Variants in CD1A observed in about 807,000 individuals in gnomAD.
CD1A encodes CD1a molecule, also known as T-cell surface glycoprotein CD1a.
A neutral mutation model predicts 38.3 loss-of-function variants in CD1A; 50 were observed. The observed-to-expected ratio is 1.30, with a 90% confidence interval of 1.04 to 1.65. CD1A has a LOEUF of 1.65. Among genes scored for constraint, CD1A ranks in the 40% most tolerant of loss-of-function variants. The pLI, the probability that CD1A is intolerant of heterozygous loss-of-function variation, is 0.00. For missense variants in CD1A, 459 were observed against 406.1 expected, an observed-to-expected ratio of 1.13 and a Z score of -1.12; for synonymous variants, 160 against 150.8, an observed-to-expected ratio of 1.06 and a Z score of -0.45.
At position 158,256,157 on chromosome 1, in the gene CD1A, A is replaced by C; in HGVS notation, c.479A>C (p.His160Pro). 6.2e-7 allele frequency: 1 copy of C among 1,614,188 alleles called. No individual in the cohort carries two copies. The highest frequency in any genetic ancestry group is 8.5e-7 in the Non-Finnish European group (1 of 1,180,026). ...PYPVAGNMAKHFCKVLNQNQH... is the reference protein window; with the variant it reads ...PYPVAGNMAKPFCKVLNQNQH... ...CCAGTGGCTGGGAATATGGCCAAGC[A>C]TTTCTGCAAAGTGCTCAATCAGAAT... The change falls in exon 3 of 6, where the codon CAT (histidine) becomes CCT (proline). Residue 160 changes from histidine (H) to proline (P), a missense_variant. Physicochemically the swap from His to Pro is moderately conservative, Grantham distance 77 (BLOSUM62 -2). Coordinates refer to ENST00000289429, the MANE Select transcript of CD1A (RefSeq NM_001763.3).
chr1:158,254,734 A>T lies in CD1A; in HGVS notation c.58+7A>T. The T allele has an allele frequency of 6.3e-7, 1 of 1,594,026 alleles. No homozygotes were observed. Among genetic ancestry groups the T allele is most frequent in the Non-Finnish European group, 8.6e-7 (1 of 1,164,000 alleles). On this transcript the variant is annotated splice_region_variant and intron_variant, in intron 1 of 5. Coordinates refer to ENST00000289429, the MANE Select transcript of CD1A (RefSeq NM_001763.3). ...GGTGATGGCAATGCAGACGGTAAGAACTCTGACAACTGCCCAGTTGGGTGG... is the reference window on the plus strand; with the variant it reads ...GGTGATGGCAATGCAGACGGTAAGATCTCTGACAACTGCCCAGTTGGGTGG...
intron 5 of CD1A, 51 bp downstream of exon 5, chr1:158,257,562 C>T: frequency 1.3e-6 from 2 of 1,580,564 alleles, no homozygotes; most frequent in Non-Finnish European, 1.7e-6. Flanking sequence ...CCCCACTTTT[C>T]TTCCCATGTT....
At position 158,255,437 on chromosome 1, in the gene CD1A, C is replaced by T. The variant is rs572935311; in HGVS notation, c.325+87C>T. Reference sequence around the variant, plus strand: ...CTTATTCCTTTAGGAAACAGCCTGACTCTCTTCTGTATCTTATTCTATTCT... The same window carrying T: ...CTTATTCCTTTAGGAAACAGCCTGATTCTCTTCTGTATCTTATTCTATTCT... On this transcript the variant is annotated intron_variant, in intron 2 of 5. Transcript: ENST00000289429. The T allele has an allele frequency of 3.5e-4, 471 of 1,352,886 alleles. 6 individuals are homozygous for T. In the South Asian group the frequency reaches 5.3e-3, roughly 15 times the overall value. 83.8% of individuals were successfully genotyped at this position (1,352,886 alleles called of 1,614,324 possible). A position where few individuals can be genotyped will look rare whatever the true frequency, so the allele number is the denominator to read the frequency against.
upstream of CD1A, among the ~76,000 whole-genome samples, chr1:158,252,821 C>A (rs145386419): frequency 0.015 from 2,212 of 152,248 alleles, 55 homozygotes; most frequent in African/African-American, 0.05. Flanking sequence ...TTGCTTTAAC[C>A]TGGGAGGCAG....
chr1:158,257,317 T>A (rs952275023), intron 4 of CD1A, 104 bp from the exon 5 acceptor site: 6 of 992,090 alleles, frequency 6.0e-6, no homozygotes, highest in African/African-American at 4.9e-5. Context: ...GTAAGTTGGA[T>A]ACTCAAATGA....
chr1:158,255,914 A>C, intron 2 of CD1A, 90 bp from the exon 3 acceptor site: 1 of 1,279,558 alleles, frequency 7.8e-7, no homozygotes, highest in Non-Finnish European at 1.1e-6. Context: ...CAAACCCTGC[A>C]CACTTCCCCC....
At chr1:158,254,789 GTGT>G in intron 1 of CD1A, 62 bp downstream of exon 1, 5 of 61,732 alleles carry the variant, frequency 8.1e-5, no homozygotes, top group Non-Finnish European at 1.5e-4. Context: ...CTCTCTCTGT[GTGT>G]GTGTGTGTGT....
Position 158,255,118 on chromosome 1 carries a change from G to A in CD1A, c.93G>A (p.Trp31Ter), listed in dbSNP as rs149019370. The part of the protein sequence containing the change: ...LKEPLSFHVT[W>*]IASFYNHSWK... ...AGCCTCTCTCCTTCCATGTCACCTG[G>A]ATCGCATCCTTTTACAACCATTCCT... The change falls in exon 2 of 6, where the codon TGG (tryptophan) becomes TGA (stop). Residue 31 changes from tryptophan (W) to a stop codon, truncating the protein, a stop_gained. Transcript: ENST00000289429. LOFTEE classifies it high-confidence loss of function. The A allele has an allele frequency of 1.2e-4, 200 of 1,613,860 alleles. No homozygotes were observed. Among genetic ancestry groups the A allele is most frequent in the Non-Finnish European group, 1.4e-4 (171 of 1,180,012 alleles).
At chr1:158,251,142 T>A (rs1650076409), upstream of CD1A, among the ~76,000 whole-genome samples, 1 of 152,214 alleles carries the variant, frequency 6.6e-6, no homozygotes, top group South Asian at 2.1e-4. Flanking sequence ...GAAAAGAAAA[T>A]ATTTTAAAGA....
chr1:158,257,257 A>G (rs1291357330), intron 4 of CD1A, among the ~76,000 whole-genome samples, 164 bp from the exon 5 acceptor site: 2 of 152,150 alleles, frequency 1.3e-5, no homozygotes, highest in African/African-American at 4.8e-5. Context: ...TAACTGAAGA[A>G]TCCATCTCTG....
At chr1:158,249,778 G>A (rs1650036049), upstream of CD1A, among the ~76,000 whole-genome samples, 1 of 152,188 alleles carries the variant, frequency 6.6e-6, no homozygotes, top group South Asian at 2.1e-4. Context: ...CACAGTGTGA[G>A]CACAGAGGCT....
At position 158,255,116 on chromosome 1, in the gene CD1A, T is replaced by G. The variant is rs749731331; in HGVS notation, c.91T>G (p.Trp31Gly). The G allele has an allele frequency of 6.2e-7, 1 of 1,614,124 alleles. No individual in the cohort carries two copies. Among genetic ancestry groups the G allele is most frequent in the South Asian group, 1.1e-5 (1 of 91,084 alleles). Residue 31 changes from tryptophan (W) to glycine (G), a missense_variant, in exon 2 of 6, where the codon TGG becomes GGG. By Grantham distance (184) the Trp-to-Gly change is radical. Transcript: ENST00000289429. ...GGAGCCTCTCTCCTTCCATGTCACCTGGATCGCATCCTTTTACAACCATTC... is the reference window on the plus strand; with the variant it reads ...GGAGCCTCTCTCCTTCCATGTCACCGGGATCGCATCCTTTTACAACCATTC... Reference protein sequence around the residue: ...LKEPLSFHVTWIASFYNHSWK... With the variant: ...LKEPLSFHVTGIASFYNHSWK...
Position 158,257,058 on chromosome 1 carries a change from T to C in CD1A, c.877T>C (p.Tyr293His), listed in dbSNP as rs140895583. ...TCTAGAGGGCCAGGACATCGTCCTC[T>C]ACTGGGGTGAGAAAAAGCTAAGGCC... ...SSLEGQDIVL[Y>H]WEHHSSVGFI... The change falls in exon 4 of 6, where the codon TAC becomes CAC. Residue 293 changes from tyrosine (Y) to histidine (H), a missense_variant. By Grantham distance (83) the Tyr-to-His change is moderately conservative. Transcript: ENST00000289429. 2.7e-4 allele frequency: 433 copies of C among 1,602,854 alleles called. No homozygotes were observed. The highest frequency in any genetic ancestry group is 3.4e-4 in the Non-Finnish European group (403 of 1,171,982).
At position 158,254,690 on chromosome 1, in the gene CD1A, A is replaced by G. The variant is rs773760237; in HGVS notation, c.21A>G (p.Pro7=). Residue 7 remains proline, a synonymous_variant, in exon 1 of 6, where the codon CCA becomes CCG. Transcript: ENST00000289429. MLFLLL[P]LLAVLPGDGN... ...ATGATATGCTGTTTTTGCTACTTCC[A>G]TTGTTAGCTGTTCTCCCAGGTGATG... 4.3e-6 allele frequency: 7 copies of G among 1,613,884 alleles called. No homozygotes were observed. In the Admixed American group the frequency reaches 5.0e-5, roughly 12 times the overall value.
upstream of CD1A, among the ~76,000 whole-genome samples, chr1:158,251,609 AAGGAGTAAGAGC>A (rs1415248105): frequency 6.6e-6 from 1 of 152,100 alleles, no homozygotes; most frequent in Non-Finnish European, 1.5e-5. Context: ...TGCTTGGGAG[AAGGAGTAAGAGC>A]ACTGTCTTTT....
chr1:158,255,034 T>A, intron 1 of CD1A, 50 bp from the exon 2 acceptor site: 1 of 1,584,754 alleles, frequency 6.3e-7, no homozygotes, highest in Non-Finnish European at 8.6e-7. Context: ...TCTCTCTCCA[T>A]CCTCTTTCTC....
upstream of CD1A, chr1:158,254,104 T>G (rs576602315): frequency 2.6e-5 from 9 of 342,276 alleles, no homozygotes; most frequent in African/African-American, 2.2e-4. Flanking sequence ...CTAAGAATAA[T>G]GGAGAAAAGG....
the CD1A span, chr1:158,248,521 C>T: frequency 3.8e-6 from 2 of 523,792 alleles, no homozygotes; most frequent in Middle Eastern, 1.0e-3. Flanking sequence ...TATGGACTTG[C>T]CTAGGATAGC....
upstream of CD1A, among the ~76,000 whole-genome samples, chr1:158,250,754 A>G (rs1650066616): frequency 1.3e-5 from 2 of 152,116 alleles, no homozygotes; most frequent in Non-Finnish European, 1.5e-5. Flanking sequence ...TAGTGCCCTC[A>G]TTTTGTTACC....
Sources: allele counts gnomAD v4.1 joint callset (sites outside exome capture counted in the v4.1 genomes callset), GRCh38; gene constraint gnomAD v4.1.1; transcripts MANE v1.5; gene names NCBI Gene and HGNC (gene_info 2026-07-23, HGNC 2026-07-21).